Variants in PATJ observed in about 807,000 individuals in gnomAD.
PATJ encodes the protein inaD-like protein.
A neutral mutation model predicts 224.9 loss-of-function variants in PATJ; 190 were observed. The observed-to-expected ratio is 0.84, with a 90% confidence interval of 0.75 to 0.95. The LOEUF is 0.95. Ranked by LOEUF, PATJ falls within the 40% of genes least tolerant of loss-of-function variation. The pLI, the probability that PATJ is intolerant of heterozygous loss-of-function variation, is 0.00. For synonymous variants in PATJ, 769 were observed against 820.3 expected, an observed-to-expected ratio of 0.94 and a Z score of 1.07; for missense variants, 2,121 against 2,270.3, an observed-to-expected ratio of 0.93 and a Z score of 1.34.
chr1:61,884,446 TAGTGG>T, intron 22 of PATJ, 38 bp downstream of exon 22: 4 of 962,228 alleles, frequency 4.2e-6, no homozygotes, highest in East Asian at 3.1e-5. Context: ...CATTATAAAA[TAGTGG>T]TTTTTTTTTT....
At chr1:61,843,717 C>T in intron 17 of PATJ, among the ~76,000 whole-genome samples, 1 of 126,794 alleles carries the variant, frequency 7.9e-6, no homozygotes, top group East Asian at 2.1e-4. Context: ...GAGATCAGGT[C>T]TCAAAAAAAA....
At chr1:61,853,045 G>A (rs115600523) in intron 17 of PATJ, among the ~76,000 whole-genome samples, 233 of 152,206 alleles carry the variant, frequency 1.5e-3, no homozygotes, top group African/African-American at 5.0e-3. Flanking sequence ...GGGTTCTGTC[G>A]TCCAGGAAAA....
At chr1:61,838,290 G>A (rs1660512563) in intron 17 of PATJ, among the ~76,000 whole-genome samples, 1 of 152,020 alleles carries the variant, frequency 6.6e-6, no homozygotes, top group African/African-American at 2.4e-5. Context: ...TTATAGGATT[G>A]TGTCATGGCA....
In PATJ at chr1:61,864,393, T is replaced by G; in HGVS notation, c.2595T>G (p.Asp865Glu). The change falls in exon 20 of 44, where the codon GAT (aspartate) becomes GAG (glutamate). Residue 865 changes from aspartate (D) to glutamate (E), a missense_variant. Coordinates refer to ENST00000642238, the MANE Select transcript of PATJ (RefSeq NM_001350145.3). Reference sequence around the variant, plus strand: ...TGACTCCTAGATTGCAGGAAATGGATGAAGAAAGAGAAATTCTTGTTGATG... The same window carrying G: ...TGACTCCTAGATTGCAGGAAATGGAGGAAGAAAGAGAAATTCTTGTTGATG... ...EFLTPRLQEM[D>E]EEREILVDEE... 1.2e-6 allele frequency: 2 copies of G among 1,613,974 alleles called. No individual in the cohort carries two copies. Among genetic ancestry groups the G allele is most frequent in the Non-Finnish European group, 8.5e-7 (1 of 1,179,884 alleles).
At chr1:61,901,199 A>T in intron 23 of PATJ, 83 bp from the exon 24 acceptor site, 1 of 741,790 alleles carries the variant, frequency 1.3e-6, no homozygotes, top group Non-Finnish European at 2.0e-6. Context: ...TATGAGTCAC[A>T]AGGATATGAT....
At chr1:61,859,010 A>C (rs894359742) in intron 18 of PATJ, among the ~76,000 whole-genome samples, 9 of 152,136 alleles carry the variant, frequency 5.9e-5, no homozygotes, top group African/African-American at 1.9e-4. Flanking sequence ...AAAACTATTA[A>C]TGTTTTTATG....
intron 5 of PATJ, among the ~76,000 whole-genome samples, chr1:61,770,470 A>C (rs1230271296): frequency 6.6e-6 from 1 of 152,190 alleles, no homozygotes; most frequent in Non-Finnish European, 1.5e-5. Flanking sequence ...AAGTACTTTA[A>C]AAGGTGATTG....
At position 62,148,387 on chromosome 1, in the gene PATJ, CAG is replaced by C; in HGVS notation, c.5378_5378+1del. ...ACTGCTGAACACCATCCAGAAGACA[CAG>C]AGTGAGTATTTCAGATGCAGAGGGC... On this transcript the variant is annotated frameshift_variant and splice_region_variant, in exon 42 of 44. Coordinates refer to ENST00000642238, the MANE Select transcript of PATJ (RefSeq NM_001350145.3). LOFTEE classifies it high-confidence loss of function. The C allele has an allele frequency of 6.2e-7, 1 of 1,607,160 alleles. No homozygotes were observed. The highest frequency in any genetic ancestry group is 1.7e-5 in the Admixed American group (1 of 59,990).
intron 31 of PATJ, among the ~76,000 whole-genome samples, chr1:62,053,715 G>T (rs560266067): frequency 7.6e-6 from 1 of 131,348 alleles, no homozygotes; most frequent in African/African-American, 2.6e-5. Flanking sequence ...GCGAAATTCC[G>T]TCTAAAAAAA....
At chr1:62,049,243 TCACACA>T (rs60099928) in intron 30 of PATJ, among the ~76,000 whole-genome samples, 2,405 of 137,258 alleles carry the variant, frequency 0.018, 49 homozygotes, top group African/African-American at 0.05. Context: ...AAGTAAGCAA[TCACACA>T]CACACACACA....
In PATJ at chr1:62,086,256, GTGTT is replaced by G. The variant is rs1291433762; in HGVS notation, c.4377+1610_4377+1613del. 1.3e-5 allele frequency among the ~76,000 whole-genome samples: 2 copies of G among 152,078 alleles called. No homozygotes were observed. Among genetic ancestry groups the G allele is most frequent in the Non-Finnish European group, 2.9e-5 (2 of 68,012 alleles). Reference sequence around the variant, plus strand: ...TGTGTGTGTGTGTATGTGTGTGTGTGTGTTTAATACCTGCATATTATACAAAGTT... The same window carrying G: ...TGTGTGTGTGTGTATGTGTGTGTGTGTAATACCTGCATATTATACAAAGTT... On this transcript the variant is annotated intron_variant, in intron 33 of 43. Coordinates refer to ENST00000642238, the MANE Select transcript of PATJ (RefSeq NM_001350145.3). This position sits in a 1 kb window ranked among gnomAD's most constrained non-coding sequence, Gnocchi z 4.0.
rs2148488095 is a variant in PATJ, at chr1:62,033,435, A to C, written c.3960-4542A>C. ...AGCTCTAGAGATGTCAGCAGAAGGGAATTCTGAACCCCTGTTTATCCTTGA... is the reference window on the plus strand; with the variant it reads ...AGCTCTAGAGATGTCAGCAGAAGGGCATTCTGAACCCCTGTTTATCCTTGA... On this transcript the variant is annotated intron_variant, in intron 29 of 43. Coordinates refer to ENST00000642238, the MANE Select transcript of PATJ (RefSeq NM_001350145.3). Among the ~76,000 whole-genome samples, 4 of 152,252 alleles carry C rather than the reference A, an allele frequency of 2.6e-5. No homozygotes were observed. The Middle Eastern group carries it at 0.01, about 388-fold the overall frequency.
chr1:62,074,682 G>A lies in PATJ; in HGVS notation c.4126-4768G>A, dbSNP rs527915365. Reference sequence around the variant, plus strand: ...AGGTATTAATACTTTATATACTCCCGGCTGGGCACAGTGGCTCATGCCTGT... The same window carrying A: ...AGGTATTAATACTTTATATACTCCCAGCTGGGCACAGTGGCTCATGCCTGT... On this transcript the variant is annotated intron_variant, in intron 31 of 43. Transcript: ENST00000642238. 4.6e-5 allele frequency among the ~76,000 whole-genome samples: 7 copies of A among 152,226 alleles called. No homozygotes were observed. In the South Asian group the frequency reaches 1.2e-3, roughly 27 times the overall value.
chr1:62,061,552 T>G (rs1655441259), intron 31 of PATJ, among the ~76,000 whole-genome samples: 2 of 152,146 alleles, frequency 1.3e-5, no homozygotes, highest in Admixed American at 6.5e-5. Context: ...ACATGCAGTA[T>G]TTAGTTTTCT....
At chr1:61,803,118 AT>A (rs1384163247) in intron 12 of PATJ, among the ~76,000 whole-genome samples, 4 of 152,172 alleles carry the variant, frequency 2.6e-5, no homozygotes, top group Middle Eastern at 3.2e-3. Flanking sequence ...TTTTAGAAGT[AT>A]TTTTTCCATA....
chr1:61,828,401 GTT>G (rs34139565), intron 16 of PATJ, among the ~76,000 whole-genome samples: 76 of 141,056 alleles, frequency 5.4e-4, no homozygotes, highest in Admixed American at 7.8e-4. Context: ...TATGAAAAGA[GTT>G]TTTTTTTTTT....
rs1368386264 is a variant in PATJ at position 62,038,040 on chromosome 1, T to C, written c.4023T>C (p.Ser1341=). 2 of 1,590,564 alleles carry C rather than the reference T, an allele frequency of 1.3e-6. No homozygotes were observed. The highest frequency in any genetic ancestry group is 1.7e-6 in the Non-Finnish European group (2 of 1,164,972). ...TTCCAGTGCCATCAAGTTCTCCATC[T>C]TCTATTGAGGTAAGGTTGTTTCTAA... ...TPFPVPSSSP[S]SIEDQSGTEP... The change falls in exon 30 of 44, where the codon TCT becomes TCC. Residue 1341 remains serine (S), a synonymous_variant. Transcript: ENST00000642238.
chr1:61,909,850 T>A (rs1253219329), intron 25 of PATJ, among the ~76,000 whole-genome samples: 2 of 152,196 alleles, frequency 1.3e-5, no homozygotes, highest in African/African-American at 4.8e-5. Context: ...ATTGATGGAA[T>A]ATTTTGCATG....
At chr1:61,876,508 A>C (rs560058967) in intron 21 of PATJ, among the ~76,000 whole-genome samples, 7 of 152,318 alleles carry the variant, frequency 4.6e-5, no homozygotes, top group Non-Finnish European at 7.3e-5. Flanking sequence ...ATACTGTAGC[A>C]AACTTAGCAC....
Sources: allele counts gnomAD v4.1 joint callset (sites outside exome capture counted in the v4.1 genomes callset), GRCh38; gene constraint gnomAD v4.1.1; non-coding constraint Gnocchi (gnomAD v3.1); transcripts MANE v1.5; gene names NCBI Gene and HGNC (gene_info 2026-07-23, HGNC 2026-07-21).